The following MAML3 variants were observed in gnomAD, a reference collection of about 807,000 sequenced individuals.
MAML3 encodes the protein mastermind like transcriptional coactivator 3.
In MAML3, 27 loss-of-function variants were observed where a neutral mutation model predicts 101.9. The ratio of observed to expected loss-of-function variants is 0.27; its 90% CI spans 0.20 to 0.37. The LOEUF is 0.37. Ranked by LOEUF, MAML3 falls within the 10% of genes least tolerant of loss-of-function variation. The probability of loss-of-function intolerance (pLI) is 1.00; values close to 1 mark genes in which losing one functional copy is unlikely to be tolerated. For synonymous variants in MAML3, 501 were observed against 555.9 expected (o/e 0.90, Z 1.39); for missense variants, 1,316 against 1,444.9 (o/e 0.91, Z 1.45).
Position 140,083,967 on chromosome 4 carries a change from CAGAG to C in MAML3, c.468+68889_468+68892del, listed in dbSNP as rs72201205. ...ACACACACACACACACACACACACA[CAGAG>C]AGAGAGAGAGAGAGAGAGAGAGAGA... On this transcript the variant is annotated intron_variant, in intron 1 of 4. Coordinates refer to ENST00000509479, the MANE Select transcript of MAML3 (RefSeq NM_018717.5). 5.5e-3 allele frequency among the ~76,000 whole-genome samples: 447 copies of C among 81,236 alleles called. 2 individuals carry two copies. The highest frequency in any genetic ancestry group is 0.012 in the African/African-American group (277 of 23,410). 53.3% of individuals were successfully genotyped at this position (81,236 alleles called of 152,430 possible). A position where few individuals can be genotyped will look rare whatever the true frequency, so the allele number is the denominator to read the frequency against.
chr4:140,077,353 G>A (rs561771571), intron 1 of MAML3, among the ~76,000 whole-genome samples: 17 of 152,274 alleles, frequency 1.1e-4, no homozygotes, highest in African/African-American at 3.6e-4. Context: ...AGGAAGCAGA[G>A]GGTTGTTCCC....
At chr4:139,855,387 T>C (rs914735302) in intron 2 of MAML3, among the ~76,000 whole-genome samples, 9 of 152,240 alleles carry the variant, frequency 5.9e-5, no homozygotes, top group Admixed American at 3.9e-4. Context: ...AAAAGAAATT[T>C]GTCCAAGTGA....
chr4:139,752,480 G>A (rs1414575945), intron 2 of MAML3, among the ~76,000 whole-genome samples: 1 of 152,080 alleles, frequency 6.6e-6, no homozygotes, highest in African/African-American at 2.4e-5. Flanking sequence ...CTATGAAAAG[G>A]GGGTGAGTGA....
At chr4:140,054,411 TAAC>T (rs1200046336) in intron 1 of MAML3, among the ~76,000 whole-genome samples, 3 of 151,562 alleles carry the variant, frequency 2.0e-5, no homozygotes, top group African/African-American at 2.4e-5. Context: ...AGAAAAACAG[TAAC>T]ATAAGACTTG....
At chr4:140,011,951 G>C (rs1560866210) in intron 1 of MAML3, among the ~76,000 whole-genome samples, 1 of 151,648 alleles carries the variant, frequency 6.6e-6, no homozygotes, top group Non-Finnish European at 1.5e-5. Flanking sequence ...ATTATTAAAA[G>C]TTCCAAATTA....
intron 2 of MAML3, among the ~76,000 whole-genome samples, chr4:139,875,689 T>C (rs541401549): frequency 1.1e-4 from 16 of 152,182 alleles, no homozygotes; most frequent in Non-Finnish European, 2.1e-4. Context: ...AGGGCGTTCC[T>C]TTCCCAGTAA....
intron 3 of MAML3, 39 bp from the exon 4 acceptor site, chr4:139,725,874 T>C (rs553691737): frequency 2.1e-4 from 330 of 1,536,384 alleles, no homozygotes; most frequent in African/African-American, 4.1e-5. Context: ...AGAGGTGAGA[T>C]AGGGAGCAAG....
intron 1 of MAML3, among the ~76,000 whole-genome samples, chr4:139,957,052 T>C (rs1733928982): frequency 6.6e-6 from 1 of 152,196 alleles, no homozygotes; most frequent in Non-Finnish European, 1.5e-5. Flanking sequence ...CTGAGCAACT[T>C]GTCCAACGTC....
At chr4:139,886,007 AATAAT>A (rs201535151) in intron 2 of MAML3, among the ~76,000 whole-genome samples, 3,333 of 150,782 alleles carry the variant, frequency 0.022, 71 homozygotes, top group Non-Finnish European at 0.035. Context: ...AGAACAAAGA[AATAAT>A]ATAAGAACAT....
At chr4:139,826,146 C>T (rs1425788993) in intron 2 of MAML3, among the ~76,000 whole-genome samples, 1 of 152,020 alleles carries the variant, frequency 6.6e-6, no homozygotes, top group Non-Finnish European at 1.5e-5. Context: ...AGATTGTGCT[C>T]TCGGTGTCTT....
chr4:139,929,298 C>T (rs1034782621), intron 1 of MAML3, among the ~76,000 whole-genome samples: 1 of 152,216 alleles, frequency 6.6e-6, no homozygotes, highest in Admixed American at 6.5e-5. Flanking sequence ...AATGAAATTT[C>T]TAGATGGCAA....
At chr4:139,912,899 A>G (rs1307939390) in intron 1 of MAML3, among the ~76,000 whole-genome samples, 2 of 152,208 alleles carry the variant, frequency 1.3e-5, no homozygotes, top group Non-Finnish European at 1.5e-5. Context: ...TAGTGTATTA[A>G]GCCACCTAGT....
chr4:139,819,719 T>C (rs1730945170), intron 2 of MAML3, among the ~76,000 whole-genome samples: 2 of 152,208 alleles, frequency 1.3e-5, no homozygotes, highest in Non-Finnish European at 2.9e-5. Context: ...TAAGTATAAA[T>C]TGGTAGCTTC....
chr4:139,906,915 T>C (rs927863434), intron 1 of MAML3, among the ~76,000 whole-genome samples: 1 of 152,170 alleles, frequency 6.6e-6, no homozygotes, highest in African/African-American at 2.4e-5. Flanking sequence ...TTTAGAGATA[T>C]TTTTGAAGTC....
intron 1 of MAML3, among the ~76,000 whole-genome samples, chr4:139,898,243 G>A (rs1732650352): frequency 6.6e-6 from 1 of 152,238 alleles, no homozygotes; most frequent in African/African-American, 2.4e-5. Context: ...GGACTGCATA[G>A]TGTTCTCAGA....
At chr4:139,727,447 G>A (rs929720166) in intron 3 of MAML3, among the ~76,000 whole-genome samples, 1 of 152,230 alleles carries the variant, frequency 6.6e-6, no homozygotes, top group Admixed American at 6.5e-5. Context: ...GCCCCTGGCA[G>A]CCTGTGGGGG....
At chr4:139,826,958 C>T (rs1312165525) in intron 2 of MAML3, among the ~76,000 whole-genome samples, 2 of 152,014 alleles carry the variant, frequency 1.3e-5, no homozygotes, top group African/African-American at 4.8e-5. Flanking sequence ...GGAAGAATCA[C>T]AACAAGAGTT....
intron 1 of MAML3, among the ~76,000 whole-genome samples, chr4:140,132,886 G>A (rs144154597): frequency 1.7e-4 from 26 of 152,316 alleles, no homozygotes; most frequent in African/African-American, 5.1e-4. Context: ...AATGAGAGCT[G>A]TAGAGGTTTT....
intron 2 of MAML3, among the ~76,000 whole-genome samples, chr4:139,733,548 GCA>G (rs1488543478): frequency 8.5e-6 from 1 of 118,216 alleles, no homozygotes; most frequent in Non-Finnish European, 1.7e-5. Flanking sequence ...TACTTCAAAA[GCA>G]CAGTGTGAAA....
Sources: allele counts gnomAD v4.1 joint callset (sites outside exome capture counted in the v4.1 genomes callset), GRCh38; gene constraint gnomAD v4.1.1; transcripts MANE v1.5; gene names NCBI Gene and HGNC (gene_info 2026-07-23, HGNC 2026-07-21).